Variants in DIAPH3 observed in about 807,000 individuals in gnomAD.
DIAPH3 encodes protein diaphanous homolog 3.
DIAPH3 carries 117 observed loss-of-function variants against 144.3 expected under a neutral mutation model. The ratio of observed to expected loss-of-function variants is 0.81; its 90% CI spans 0.70 to 0.95. The LOEUF (loss-of-function observed/expected upper bound fraction) is 0.95, where lower values mean the gene tolerates loss of function less well. Among genes scored for constraint, DIAPH3 ranks in the 40% least tolerant of loss-of-function variants. DIAPH3 has a pLI of 0.00. For missense variants in DIAPH3, 1,421 were observed against 1,412.7 expected (o/e 1.01, Z -0.09); for synonymous variants, 519 against 488.9 (o/e 1.06, Z -0.81).
intron 4 of DIAPH3, 39 bp from the exon 5 acceptor site, chr13:60,042,859 A>G (rs1221602645): frequency 4.4e-6 from 7 of 1,606,462 alleles, no homozygotes; most frequent in Non-Finnish European, 6.0e-6. Flanking sequence ...TTAATACTGC[A>G]TGGAGATTAC....
intron 25 of DIAPH3, among the ~76,000 whole-genome samples, chr13:59,792,311 A>G (rs906656159): frequency 1.3e-5 from 2 of 152,162 alleles, no homozygotes; most frequent in Admixed American, 6.5e-5. Context: ...TTTGAGACAC[A>G]TGTCATTCAG....
intron 27 of DIAPH3, among the ~76,000 whole-genome samples, chr13:59,678,194 G>C (rs986438157): frequency 6.6e-6 from 1 of 152,070 alleles, no homozygotes; most frequent in African/African-American, 2.4e-5. Context: ...TGACGGACTG[G>C]CCTTTTTTTA....
At chr13:60,127,540 A>C (rs1329729497) in intron 2 of DIAPH3, among the ~76,000 whole-genome samples, 1 of 152,196 alleles carries the variant, frequency 6.6e-6, no homozygotes, top group Non-Finnish European at 1.5e-5. Flanking sequence ...TCAAATGCTC[A>C]TAGCAACTGT....
intron 24 of DIAPH3, among the ~76,000 whole-genome samples, 186 bp from the exon 25 acceptor site, chr13:59,811,109 AT>A (rs1352150460): frequency 8.5e-5 from 13 of 152,212 alleles, no homozygotes; most frequent in Admixed American, 1.3e-4. Context: ...TTATGTATCT[AT>A]AAATACGACT....
chr13:59,806,489 C>G (rs1226439350), intron 25 of DIAPH3, among the ~76,000 whole-genome samples: 1 of 151,918 alleles, frequency 6.6e-6, no homozygotes, highest in Non-Finnish European at 1.5e-5. Context: ...AATATTTAAA[C>G]TAGAAAGTTT....
At chr13:60,038,234 G>GT (rs980532602) in intron 5 of DIAPH3, among the ~76,000 whole-genome samples, 1 of 152,082 alleles carries the variant, frequency 6.6e-6, no homozygotes, top group Non-Finnish European at 1.5e-5. Flanking sequence ...GGAGATGCAT[G>GT]TTATATTGTT....
chr13:59,738,591 TAAG>T (rs2036281678), intron 27 of DIAPH3, among the ~76,000 whole-genome samples: 1 of 152,098 alleles, frequency 6.6e-6, no homozygotes, highest in Non-Finnish European at 1.5e-5. Flanking sequence ...TGTCAAATAC[TAAG>T]ACTACTAAAA....
intron 1 of DIAPH3, among the ~76,000 whole-genome samples, chr13:60,134,999 G>T (rs115986015): frequency 0.047 from 7,086 of 152,044 alleles, 242 homozygotes; most frequent in Admixed American, 0.093. Flanking sequence ...CAAGATTTAT[G>T]ATCTAAAAAC....
Position 60,106,186 on chromosome 13 carries a change from A to C in DIAPH3, c.390+5824T>G, listed in dbSNP as rs200049570. Among the ~76,000 whole-genome samples the C allele has an allele frequency of 3.3e-5, 5 of 152,254 alleles. No homozygotes were observed. The East Asian group carries it at 9.7e-4, about 29-fold the overall frequency. ...AAACAGCTCTTAGATATTAAGGTTTATTATACAGTTGTGGTGACTAAGACA... is the reference window on the plus strand; with the variant it reads ...AAACAGCTCTTAGATATTAAGGTTTCTTATACAGTTGTGGTGACTAAGACA... On this transcript the variant is annotated intron_variant, in intron 3 of 27. Coordinates refer to ENST00000400324, the MANE Select transcript of DIAPH3 (RefSeq NM_001042517.2).
intron 25 of DIAPH3, among the ~76,000 whole-genome samples, chr13:59,790,091 C>A (rs1315457009): frequency 6.6e-6 from 1 of 152,202 alleles, no homozygotes. Context: ...GAACTAGCCC[C>A]AGCCCTTGTT....
At chr13:60,072,277 A>T (rs866999102) in intron 4 of DIAPH3, among the ~76,000 whole-genome samples, 1 of 152,138 alleles carries the variant, frequency 6.6e-6, no homozygotes, top group Non-Finnish European at 1.5e-5. Flanking sequence ...GTACCTATAG[A>T]TGTAGATATG....
At chr13:59,707,585 T>C (rs2034500932) in intron 27 of DIAPH3, among the ~76,000 whole-genome samples, 1 of 152,204 alleles carries the variant, frequency 6.6e-6, no homozygotes, top group African/African-American at 2.4e-5. Context: ...TTAGAAGAGC[T>C]GATGATACAT....
intron 4 of DIAPH3, among the ~76,000 whole-genome samples, chr13:60,072,800 A>G (rs945727807): frequency 2.6e-5 from 4 of 152,208 alleles, no homozygotes; most frequent in African/African-American, 9.6e-5. Flanking sequence ...TTTAACAAAT[A>G]TATCTGCCAG....
chr13:59,796,994 T>C (rs968137443), intron 25 of DIAPH3, among the ~76,000 whole-genome samples: 5 of 152,184 alleles, frequency 3.3e-5, no homozygotes, highest in African/African-American at 1.2e-4. Context: ...GGCCTGCTAT[T>C]ACTTAGCTAC....
At chr13:59,872,794 G>A (rs763682350) in intron 21 of DIAPH3, among the ~76,000 whole-genome samples, 9 of 152,190 alleles carry the variant, frequency 5.9e-5, no homozygotes, top group Non-Finnish European at 1.0e-4. Context: ...TAAGCCTGAC[G>A]CCGAGGAGGA....
chr13:59,963,900 G>A (rs2049909961), intron 17 of DIAPH3, among the ~76,000 whole-genome samples: 1 of 152,176 alleles, frequency 6.6e-6, no homozygotes, highest in Non-Finnish European at 1.5e-5. Context: ...AGTGCATTCA[G>A]AAGGATAAGC....
chr13:59,834,182 C>T (rs1566384290), intron 23 of DIAPH3, among the ~76,000 whole-genome samples: 1 of 151,590 alleles, frequency 6.6e-6, no homozygotes. Flanking sequence ...TCTAAATAAA[C>T]AATGAAATTT....
At chr13:59,848,303 A>T (rs938708261) in intron 22 of DIAPH3, among the ~76,000 whole-genome samples, 2 of 91,304 alleles carry the variant, frequency 2.2e-5, no homozygotes, top group African/African-American at 6.3e-5. Flanking sequence ...GAGTAAAGTC[A>T]AATCTTTTTT....
At position 59,969,951 on chromosome 13, in the gene DIAPH3, T is replaced by C; in HGVS notation, c.2067A>G (p.Gln689=). The change falls in exon 17 of 28, where the codon CAA becomes CAG. Residue 689 remains glutamine (Q), a synonymous_variant. Transcript: ENST00000400324. ...TCAAGATGTTAAACTTACCTTTTTG[T>C]TGGCAACAAAATGTATTCTCAAGTT... ...LCKLENTFCC[Q]QKERREEEDI... 6.3e-7 allele frequency: 1 copy of C among 1,595,936 alleles called. No individual in the cohort carries two copies. The highest frequency in any genetic ancestry group is 8.6e-7 in the Non-Finnish European group (1 of 1,166,768).
Sources: allele counts gnomAD v4.1 joint callset (sites outside exome capture counted in the v4.1 genomes callset), GRCh38; gene constraint gnomAD v4.1.1; transcripts MANE v1.5; gene names NCBI Gene and HGNC (gene_info 2026-07-23, HGNC 2026-07-21).